Variants in SPINT1 observed in about 807,000 individuals in gnomAD.
SPINT1 encodes the protein serine peptidase inhibitor, Kunitz type 1, also known as kunitz-type protease inhibitor 1.
SPINT1 carries 38 observed loss-of-function variants against 53.7 expected under a neutral mutation model. The ratio of observed to expected loss-of-function variants is 0.71; its 90% confidence interval spans 0.55 to 0.93. The LOEUF (loss-of-function observed/expected upper bound fraction) is 0.93. Ranked by LOEUF, SPINT1 falls within the 40% of genes least tolerant of loss-of-function variation. The pLI is 0.00. For synonymous variants in SPINT1, 283 were observed against 280.6 expected, an observed-to-expected ratio of 1.01 and a Z score of -0.08; for missense variants, 645 against 692.9, an observed-to-expected ratio of 0.93 and a Z score of 0.78.
rs1433388705 is a variant in SPINT1, at chr15:40,844,370, T to G, written c.-65-120T>G. The G allele has an allele frequency of 1.5e-6, 1 of 689,332 alleles. No homozygotes were observed. The highest frequency in any genetic ancestry group is 2.5e-6 in the Non-Finnish European group (1 of 397,824). 42.7% of individuals were successfully genotyped at this position (689,332 alleles called of 1,614,324 possible). A position where few individuals can be genotyped will look rare whatever the true frequency, so the allele number is the denominator to read the frequency against. On this transcript the variant is annotated intron_variant, in intron 1 of 10. Coordinates refer to ENST00000562057, the MANE Select transcript of SPINT1 (RefSeq NM_003710.4). The surrounding 1 kb of genome is among the most constrained non-coding windows in gnomAD (Gnocchi z 5.8). Reference sequence around the variant, plus strand: ...GGAGGGCCGGGCCCGTGCGCCCTCTTCGATCCTGGGGTGCTCCGGTCCCTC... The same window carrying G: ...GGAGGGCCGGGCCCGTGCGCCCTCTGCGATCCTGGGGTGCTCCGGTCCCTC...
intron 2 of SPINT1, among the ~76,000 whole-genome samples, chr15:40,845,275 C>T (rs958786369): frequency 2.0e-5 from 3 of 148,844 alleles, no homozygotes; most frequent in Admixed American, 1.3e-4. Context: ...TCTCAGCCTC[C>T]GGAGTAGCTG....
rs991849848 is a variant in SPINT1, at chr15:40,853,723, C to A, written c.755C>A (p.Ala252Glu). 1.2e-6 allele frequency: 2 copies of A among 1,614,010 alleles called. No individual in the cohort carries two copies. The highest frequency in any genetic ancestry group is 1.3e-5 in the African/African-American group (1 of 74,944). Residue 252 changes from alanine to glutamate, a missense_variant, in exon 5 of 11, where the codon GCA (alanine) becomes GAA (glutamate). Transcript: ENST00000562057. The stretch of plus-strand genomic sequence containing the variant: ...CTCTCCCCCCTAGACTACTGCCTCG[C>A]ATCCAACAAGGTGGGTCGCTGCCGG... ...STKQTEDYCL[A>E]SNKVGRCRGS...
intron 6 of SPINT1, 63 bp from the exon 7 acceptor site, chr15:40,854,334 G>T: frequency 6.6e-7 from 1 of 1,511,146 alleles, no homozygotes; most frequent in Non-Finnish European, 8.8e-7. Flanking sequence ...AGAGGGCCAA[G>T]TAGAAGGTGG....
intron 10 of SPINT1, 98 bp downstream of exon 10, chr15:40,856,421 A>C: frequency 6.7e-7 from 1 of 1,486,054 alleles, no homozygotes; most frequent in East Asian, 2.3e-5. Context: ...GTTGAGAAGG[A>C]TGCCAAGGTG....
At chr15:40,845,318 AT>A (rs34480117) in intron 2 of SPINT1, among the ~76,000 whole-genome samples, 3,553 of 58,018 alleles carry the variant, frequency 0.061, 39 homozygotes, top group East Asian at 0.13. Context: ...GACCCGGCTA[AT>A]TTTTTTTTTT....
rs1345474685 is a variant in SPINT1 at position 40,844,659 on chromosome 15, C to T, written c.105C>T (p.Ala35=). ...CGCTCGGCCTCCAGGGCACCCAGGC[C>T]GGGCCACCGCCCGCGCCCCCTGGGC... ...LCTLGLQGTQ[A]GPPPAPPGLP... The change falls in exon 2 of 11, where the codon GCC becomes GCT. Residue 35 remains alanine (A), a synonymous_variant. Transcript: ENST00000562057. The surrounding 1 kb of genome is among the most constrained non-coding windows in gnomAD (Gnocchi z 5.8). 1 of 1,604,712 alleles carries T rather than the reference C, an allele frequency of 6.2e-7. No homozygotes were observed. Among genetic ancestry groups the T allele is most frequent in the Admixed American group, 1.7e-5 (1 of 59,072 alleles).
chr15:40,845,971 C>G (rs1891283613), intron 2 of SPINT1, among the ~76,000 whole-genome samples: 1 of 152,178 alleles, frequency 6.6e-6, no homozygotes, highest in Admixed American at 6.5e-5. Context: ...GCGGTTGATC[C>G]AAAGGGAGAG....
At chr15:40,852,021 AAAAAC>A (rs887361855) in intron 2 of SPINT1, among the ~76,000 whole-genome samples, 1 of 152,316 alleles carries the variant, frequency 6.6e-6, no homozygotes, top group Admixed American at 6.5e-5. Context: ...ACTCCATCTC[AAAAAC>A]AAAACAAAAC....
intron 2 of SPINT1, among the ~76,000 whole-genome samples, chr15:40,845,543 G>T (rs1021516684): frequency 6.6e-6 from 1 of 152,046 alleles, no homozygotes; most frequent in Non-Finnish European, 1.5e-5. Context: ...CCTTCACATC[G>T]GTAGTAGGCA....
rs35804020 is a variant in SPINT1 at position 40,858,176 on chromosome 15, C to CA, written c.*1216dup. ...ATTTGTTCAAGCTACCTCCCGGTGC[C>CA]AAAAAAAAAAAAAAATCATACTTTG... On this transcript the variant is annotated 3_prime_UTR_variant, in exon 11 of 11. Coordinates refer to ENST00000562057, the MANE Select transcript of SPINT1 (RefSeq NM_003710.4). The CA allele has an allele frequency of 0.35, 48,178 of 137,742 alleles. 8,990 individuals carry two copies. The highest frequency in any genetic ancestry group is 0.7 in the East Asian group (3,394 of 4,836). The allele number at this position is 137,742 out of a possible 1,614,324, so 8.5% of individuals were successfully genotyped here.
intron 6 of SPINT1, 128 bp from the exon 7 acceptor site, chr15:40,854,268 TG>T: frequency 7.0e-7 from 1 of 1,434,338 alleles, no homozygotes; most frequent in Admixed American, 2.4e-5. Context: ...CCAGTTTGCG[TG>T]GGGCAGGAGT....
At position 40,849,062 on chromosome 15, in the gene SPINT1, C is replaced by T. The variant is rs1428922140; in HGVS notation, c.475+4033C>T. Among the ~76,000 whole-genome samples, 59 of 151,610 alleles carry T rather than the reference C, an allele frequency of 3.9e-4. 1 individual carries two copies. Among genetic ancestry groups the T allele is most frequent in the South Asian group, 1.9e-3 (9 of 4,796 alleles). Reference sequence around the variant, plus strand: ...GAGATTGAGACCATCCTGGCTAACACGGTGAAACCCCGTCTCTACTAAAAA... The same window carrying T: ...GAGATTGAGACCATCCTGGCTAACATGGTGAAACCCCGTCTCTACTAAAAA... On this transcript the variant is annotated intron_variant, in intron 2 of 10. Transcript: ENST00000562057.
chr15:40,844,580 G>A lies in SPINT1; in HGVS notation c.26G>A (p.Arg9His). The change falls in exon 2 of 11, where the codon CGC (arginine) becomes CAC (histidine). Residue 9 changes from arginine to histidine, a missense_variant. Transcript: ENST00000562057. The surrounding 1 kb of genome is among the most constrained non-coding windows in gnomAD (Gnocchi z 5.8). Reference sequence around the variant, plus strand: ...ATGGCCCCTGCGAGGACGATGGCCCGCGCCCGCCTCGCCCCGGCCGGCATC... The same window carrying A: ...ATGGCCCCTGCGAGGACGATGGCCCACGCCCGCCTCGCCCCGGCCGGCATC... MAPARTMA[R>H]ARLAPAGIPA... The A allele has an allele frequency of 6.2e-7, 1 of 1,609,378 alleles. No homozygotes were observed. The highest frequency in any genetic ancestry group is 1.1e-5 in the South Asian group (1 of 90,942).
At position 40,857,066 on chromosome 15, in the gene SPINT1, C is replaced by G. The variant is rs1259283271; in HGVS notation, c.*91C>G. ...GAAAAACTTTGGAACCAGACTCTTG[C>G]CTGTTTCCCAGGCCCACTGTGCCTC... On this transcript the variant is annotated 3_prime_UTR_variant, in exon 11 of 11. Coordinates refer to ENST00000562057, the MANE Select transcript of SPINT1 (RefSeq NM_003710.4). 5 of 1,514,934 alleles carry G rather than the reference C, an allele frequency of 3.3e-6. No individual in the cohort carries two copies. The African/African-American group carries it at 4.1e-5, about 13-fold the overall frequency. 93.8% of individuals were successfully genotyped at this position (1,514,934 alleles called of 1,614,324 possible). A position where few individuals can be genotyped will look rare whatever the true frequency, so the allele number is the denominator to read the frequency against.
chr15:40,851,985 C>T (rs1392481331), intron 2 of SPINT1, among the ~76,000 whole-genome samples: 1 of 152,230 alleles, frequency 6.6e-6, no homozygotes, highest in African/African-American at 2.4e-5. Flanking sequence ...TGTGCCACTG[C>T]ACTCCAGCCT....
chr15:40,852,952 T>G (rs959355391), intron 2 of SPINT1, among the ~76,000 whole-genome samples, 172 bp from the exon 3 acceptor site: 2 of 151,896 alleles, frequency 1.3e-5, no homozygotes, highest in Non-Finnish European at 2.9e-5. Context: ...TCTCTCTGAA[T>G]AGAGATCAAG....
chr15:40,846,289 C>T (rs1319006062), intron 2 of SPINT1, among the ~76,000 whole-genome samples: 1 of 152,166 alleles, frequency 6.6e-6, no homozygotes, highest in East Asian at 1.9e-4. Flanking sequence ...TCTCTACCTG[C>T]TGTTCTGGCC....
At chr15:40,853,353 G>T in intron 3 of SPINT1, 102 bp downstream of exon 3, 1 of 1,600,976 alleles carries the variant, frequency 6.2e-7, no homozygotes, top group South Asian at 1.1e-5. Context: ...ATGGGATGGG[G>T]TGGAGAGAGG....
At position 40,844,597 on chromosome 15, in the gene SPINT1, G is replaced by T. The variant is rs1432567403; in HGVS notation, c.43G>T (p.Ala15Ser). The T allele has an allele frequency of 6.2e-7, 1 of 1,609,842 alleles. No homozygotes were observed. The highest frequency in any genetic ancestry group is 8.5e-7 in the Non-Finnish European group (1 of 1,178,826). Residue 15 changes from alanine (A) to serine (S), a missense_variant, in exon 2 of 11, where the codon GCC becomes TCC. Coordinates refer to ENST00000562057, the MANE Select transcript of SPINT1 (RefSeq NM_003710.4). This position sits in a 1 kb window ranked among gnomAD's most constrained non-coding sequence, Gnocchi z 5.8. ...GATGGCCCGCGCCCGCCTCGCCCCG[G>T]CCGGCATCCCTGCCGTCGCCTTGTG... ...RTMARARLAP[A>S]GIPAVALWLL...
Sources: allele counts gnomAD v4.1 joint callset (sites outside exome capture counted in the v4.1 genomes callset), GRCh38; gene constraint gnomAD v4.1.1; non-coding constraint Gnocchi (gnomAD v3.1); transcripts MANE v1.5; gene names NCBI Gene and HGNC (gene_info 2026-07-23, HGNC 2026-07-21).